Variants in CRIM1 observed in about 807,000 individuals in gnomAD.
CRIM1 encodes cysteine rich transmembrane BMP regulator 1.
A neutral mutation model predicts 116.4 loss-of-function variants in CRIM1; 32 were observed. That is an observed-to-expected ratio of 0.27 (90% CI 0.21 to 0.37). The LOEUF (loss-of-function observed/expected upper bound fraction) is 0.37, where lower values mean the gene tolerates loss of function less well. Among genes scored for constraint, CRIM1 ranks in the 10% least tolerant of loss-of-function variants. The pLI is 1.00. For missense variants in CRIM1, 1,331 were observed against 1,354.8 expected (o/e 0.98, Z 0.28); for synonymous variants, 590 against 509.2 (o/e 1.16, Z -2.13).
At chr2:36,537,724 C>T (rs138965746) in intron 14 of CRIM1, among the ~76,000 whole-genome samples, 178 bp downstream of exon 14, 1 of 152,248 alleles carries the variant, frequency 6.6e-6, no homozygotes, top group Non-Finnish European at 1.5e-5. Flanking sequence ...ATGACCATCC[C>T]GATGAGGGGC....
intron 13 of CRIM1, among the ~76,000 whole-genome samples, chr2:36,531,193 C>G (rs1176040063): frequency 6.6e-6 from 1 of 152,216 alleles, no homozygotes; most frequent in Non-Finnish European, 1.5e-5. Context: ...AGCAGCCTGA[C>G]TTCCTCCCAG....
chr2:36,453,297 T>C (rs1676878887), intron 4 of CRIM1, among the ~76,000 whole-genome samples: 1 of 152,226 alleles, frequency 6.6e-6, no homozygotes, highest in Non-Finnish European at 1.5e-5. Context: ...AGCAAGTGGT[T>C]TGTAAATTAT....
At chr2:36,496,723 A>G (rs1680622766) in intron 7 of CRIM1, among the ~76,000 whole-genome samples, 2 of 152,224 alleles carry the variant, frequency 1.3e-5, no homozygotes, top group Non-Finnish European at 2.9e-5. Flanking sequence ...TGTTAGATGT[A>G]CATCTGTGAC....
chr2:36,411,892 C>T (rs1342304651), intron 2 of CRIM1, among the ~76,000 whole-genome samples: 3 of 152,118 alleles, frequency 2.0e-5, no homozygotes, highest in Non-Finnish European at 2.9e-5. Flanking sequence ...TAAGCTATGA[C>T]TCCTGAAATA....
intron 13 of CRIM1, among the ~76,000 whole-genome samples, chr2:36,523,367 C>G (rs970164866): frequency 2.0e-5 from 3 of 152,200 alleles, no homozygotes; most frequent in African/African-American, 4.8e-5. Flanking sequence ...CTCTAGAGCC[C>G]TCACCTTCTT....
At chr2:36,377,883 A>T (rs893855215) in intron 1 of CRIM1, among the ~76,000 whole-genome samples, 2 of 152,182 alleles carry the variant, frequency 1.3e-5, no homozygotes, top group Non-Finnish European at 2.9e-5. Flanking sequence ...GAATGTTCCA[A>T]ACTCTATGTT....
At chr2:36,412,373 T>A (rs7600870) in intron 2 of CRIM1, among the ~76,000 whole-genome samples, 32,860 of 151,936 alleles carry the variant, frequency 0.22, 5,213 homozygotes, top group African/African-American at 0.45. Flanking sequence ...AACCCATTCT[T>A]GCCCAGCCCA....
At chr2:36,398,488 C>T (rs1672195887) in intron 2 of CRIM1, among the ~76,000 whole-genome samples, 1 of 152,170 alleles carries the variant, frequency 6.6e-6, no homozygotes, top group East Asian at 1.9e-4. Flanking sequence ...TGGAGATTGA[C>T]ATGTGGAGAT....
intron 13 of CRIM1, among the ~76,000 whole-genome samples, chr2:36,527,435 C>A (rs991185981): frequency 3.3e-5 from 5 of 152,100 alleles, no homozygotes; most frequent in African/African-American, 1.2e-4. Flanking sequence ...CGAAGTGGGA[C>A]TTTGCCATGG....
intron 7 of CRIM1, among the ~76,000 whole-genome samples, chr2:36,489,868 A>G (rs932781995): frequency 3.9e-5 from 6 of 152,198 alleles, no homozygotes; most frequent in Non-Finnish European, 7.4e-5. Flanking sequence ...TTAGCTGATT[A>G]CTAAGAGATT....
rs544100136 is a variant in CRIM1, at chr2:36,489,580, T to C, written c.1373-9639T>C. 2.6e-5 allele frequency among the ~76,000 whole-genome samples: 4 copies of C among 152,344 alleles called. No individual in the cohort carries two copies. In the South Asian group the frequency reaches 8.3e-4, roughly 32 times the overall value. Reference sequence around the variant, plus strand: ...CATGAGGAGCCCCTACAATTCTTGTTATGAAAGTACTGGTTGAATTTTCTC... The same window carrying C: ...CATGAGGAGCCCCTACAATTCTTGTCATGAAAGTACTGGTTGAATTTTCTC... On this transcript the variant is annotated intron_variant, in intron 7 of 16. Transcript: ENST00000280527.
In CRIM1 at chr2:36,549,567, T is replaced by A. The variant is rs1667602809; in HGVS notation, c.*866T>A. The stretch of plus-strand genomic sequence containing the variant: ...TATATTTCACTGTTTGTTGTTGCTT[T>A]GTTCTGTTATATTGTTGGTTGTTCA... On this transcript the variant is annotated 3_prime_UTR_variant, in exon 17 of 17. Coordinates refer to ENST00000280527, the MANE Select transcript of CRIM1 (RefSeq NM_016441.3). The A allele has an allele frequency of 2.0e-5, 3 of 152,528 alleles. No individual in the cohort carries two copies. Among genetic ancestry groups the A allele is most frequent in the African/African-American group, 7.2e-5 (3 of 41,446 alleles). The allele number at this position is 152,528 out of a possible 1,614,324, so 9.4% of individuals were successfully genotyped here.
intron 13 of CRIM1, among the ~76,000 whole-genome samples, chr2:36,525,878 G>T (rs1344964726): frequency 6.6e-6 from 1 of 151,680 alleles, no homozygotes; most frequent in African/African-American, 2.4e-5. Flanking sequence ...ATGAAAAGTG[G>T]TGATTCTACC....
At chr2:36,529,302 A>T (rs773969785) in intron 13 of CRIM1, 3 of 419,144 alleles carry the variant, frequency 7.2e-6, no homozygotes, top group Non-Finnish European at 1.5e-5. Flanking sequence ...AACATCTTCT[A>T]TAGGTGCAGA....
intron 10 of CRIM1, among the ~76,000 whole-genome samples, chr2:36,512,751 C>T (rs1174124595): frequency 6.6e-6 from 1 of 152,186 alleles, no homozygotes; most frequent in African/African-American, 2.4e-5. Context: ...TAAATAGCCC[C>T]ATTTCAAAGT....
chr2:36,522,801 CA>C (rs1388959317), intron 13 of CRIM1, among the ~76,000 whole-genome samples: 77 of 107,512 alleles, frequency 7.2e-4, no homozygotes, highest in Non-Finnish European at 9.7e-4. Context: ...GACTCCATCT[CA>C]AAAAAAAAAA....
At chr2:36,532,147 T>C (rs999629628) in intron 13 of CRIM1, 1 of 363,438 alleles carries the variant, frequency 2.8e-6, no homozygotes, top group Non-Finnish European at 5.5e-6. Context: ...CCATCTTCTT[T>C]GCACGTTTCA....
intron 4 of CRIM1, among the ~76,000 whole-genome samples, chr2:36,460,260 ATCT>A (rs774467825): frequency 4.7e-4 from 71 of 152,354 alleles, no homozygotes; most frequent in Non-Finnish European, 8.1e-4. Flanking sequence ...TACAGGTTGC[ATCT>A]TCTTTGAAGT....
intron 13 of CRIM1, among the ~76,000 whole-genome samples, 176 bp downstream of exon 13, chr2:36,522,489 A>C (rs1665460055): frequency 6.6e-6 from 1 of 152,148 alleles, no homozygotes; most frequent in East Asian, 1.9e-4. Context: ...ATGTACTCCC[A>C]AGAGGAGGTG....
Sources: allele counts gnomAD v4.1 joint callset (sites outside exome capture counted in the v4.1 genomes callset), GRCh38; gene constraint gnomAD v4.1.1; transcripts MANE v1.5; gene names NCBI Gene and HGNC (gene_info 2026-07-23, HGNC 2026-07-21).